Variants in INO80D observed in about 807,000 individuals in gnomAD.
The protein encoded by INO80D is INO80 complex subunit D.
Under a neutral mutation model 87.6 loss-of-function variants are expected in INO80D, and 21 were observed. That is an observed-to-expected ratio of 0.24 (90% CI 0.17 to 0.35). INO80D has a LOEUF of 0.35. Ranked by LOEUF, INO80D falls within the 10% of genes least tolerant of loss-of-function variation. The pLI is 1.00. For synonymous variants in INO80D, 440 were observed against 491.0 expected (o/e 0.90, Z 1.37); for missense variants, 982 against 1,280.7 (o/e 0.77, Z 3.56).
In INO80D at chr2:206,056,726, C is replaced by T. The variant is rs778937187; in HGVS notation, c.436G>A (p.Glu146Lys). Residue 146 changes from glutamate to lysine, a missense_variant, in exon 4 of 11, where the codon GAA becomes AAA. Physicochemically the swap from Glu to Lys is moderately conservative, Grantham distance 56. Transcript: ENST00000403263. ...TTGAAAGCAAATGGGTCTTCCAATT[C>T]GGTTTCCAGGTAGTGGAGAGGGACC... Reference protein sequence around the residue: ...ARVPLHYLETELEDPFAFNEE... With the variant: ...ARVPLHYLETKLEDPFAFNEE... 2.5e-6 allele frequency: 4 copies of T among 1,613,436 alleles called. No individual in the cohort carries two copies. Among genetic ancestry groups the T allele is most frequent in the East Asian group, 2.2e-5 (1 of 44,876 alleles).
At chr2:206,033,691 G>A (rs1688825330) in intron 5 of INO80D, among the ~76,000 whole-genome samples, 1 of 151,882 alleles carries the variant, frequency 6.6e-6, no homozygotes, top group African/African-American at 2.4e-5. Context: ...AGAGAAACAA[G>A]AAGAAACTAA....
Position 206,027,156 on chromosome 2 carries a change from GCACACACACA to G in INO80D, c.1298+945_1298+954del, listed in dbSNP as rs34673264. Among the ~76,000 whole-genome samples, 547 of 151,302 alleles carry G rather than the reference GCACACACACA, an allele frequency of 3.6e-3. 5 individuals carry two copies. Among genetic ancestry groups the G allele is most frequent in the African/African-American group, 0.013 (523 of 41,276 alleles). On this transcript the variant is annotated intron_variant, in intron 6 of 10. Coordinates refer to ENST00000403263, the MANE Select transcript of INO80D (RefSeq NM_017759.5). ...AATTTACACACGCACGCGCGCACGCGCACACACACACACACACACACAGAGAAAGACTAGA... is the reference window on the plus strand; with the variant it reads ...AATTTACACACGCACGCGCGCACGCGCACACACACACAGAGAAAGACTAGA...
At position 206,017,810 on chromosome 2, in the gene INO80D, A is replaced by C; in HGVS notation, c.1412T>G (p.Ile471Ser). The change falls in exon 8 of 11, where the codon ATC becomes AGC. Residue 471 changes from isoleucine (I) to serine (S), a missense_variant. Ile to Ser is a moderately radical substitution (Grantham distance 142). Transcript: ENST00000403263. ...GAGCTGCTGAGAGTGGTTCAAGAGG[A>C]TATCTGGGTTTTTTTAAGTTAGGAG... is the stretch of plus-strand genomic sequence containing the variant. ...LPFTRHCFQH[I>S]LLNHSQQLFS... 1 of 1,597,870 alleles carries C rather than the reference A, an allele frequency of 6.3e-7. No individual in the cohort carries two copies. Among genetic ancestry groups the C allele is most frequent in the Non-Finnish European group, 8.5e-7 (1 of 1,176,096 alleles).
At chr2:206,022,965 A>T (rs1258224013) in intron 6 of INO80D, among the ~76,000 whole-genome samples, 1 of 151,758 alleles carries the variant, frequency 6.6e-6, no homozygotes, top group East Asian at 2.0e-4. Context: ...TTGGGAGGCC[A>T]AGGCAGGCAG....
At chr2:206,021,055 C>T (rs1031683942) in intron 6 of INO80D, among the ~76,000 whole-genome samples, 14 of 152,058 alleles carry the variant, frequency 9.2e-5, no homozygotes, top group African/African-American at 3.4e-4. Context: ...CTTACAAGTA[C>T]AAAACCTATC....
At chr2:206,064,210 A>G (rs1689757714) in intron 1 of INO80D, among the ~76,000 whole-genome samples, 1 of 152,188 alleles carries the variant, frequency 6.6e-6, no homozygotes, top group Non-Finnish European at 1.5e-5. Flanking sequence ...TTTCAGAGTC[A>G]GTGAGAAAAT....
chr2:206,018,877 G>A (rs1164888832), intron 7 of INO80D, among the ~76,000 whole-genome samples: 4 of 152,108 alleles, frequency 2.6e-5, no homozygotes, highest in Non-Finnish European at 4.4e-5. Flanking sequence ...CACTTCAGCC[G>A]GGGTGACAGA....
At chr2:206,067,364 C>T (rs1485486048) in intron 1 of INO80D, among the ~76,000 whole-genome samples, 1 of 151,848 alleles carries the variant, frequency 6.6e-6, no homozygotes, top group Non-Finnish European at 1.5e-5. Flanking sequence ...AAAATTATGG[C>T]TAGATGGGAG....
intron 1 of INO80D, among the ~76,000 whole-genome samples, chr2:206,069,976 T>A (rs1021967910): frequency 6.6e-6 from 1 of 152,172 alleles, no homozygotes; most frequent in African/African-American, 2.4e-5. Context: ...GATTTTTCTA[T>A]TTGAAAACAT....
intron 5 of INO80D, among the ~76,000 whole-genome samples, chr2:206,041,639 C>A (rs913801589): frequency 6.6e-6 from 1 of 152,170 alleles, no homozygotes; most frequent in South Asian, 2.1e-4. Context: ...ATTGATATAA[C>A]AAGTTGACAA....
chr2:206,028,523 G>A (rs1169307453), intron 5 of INO80D, among the ~76,000 whole-genome samples, 188 bp from the exon 6 acceptor site: 1 of 152,202 alleles, frequency 6.6e-6, no homozygotes, highest in Non-Finnish European at 1.5e-5. Context: ...TATTTCAACA[G>A]TAAGGACAGA....
intron 6 of INO80D, among the ~76,000 whole-genome samples, 188 bp from the exon 7 acceptor site, chr2:206,020,033 T>C (rs1187613697): frequency 6.6e-6 from 1 of 152,020 alleles, no homozygotes; most frequent in Non-Finnish European, 1.5e-5. Flanking sequence ...GTTATTTCCC[T>C]AATCTTCTGA....
At chr2:206,076,585 A>C (rs979952162) in intron 1 of INO80D, among the ~76,000 whole-genome samples, 2 of 152,240 alleles carry the variant, frequency 1.3e-5, no homozygotes, top group Admixed American at 6.5e-5. Context: ...AACAACATTC[A>C]TTATAATCAA....
intron 1 of INO80D, among the ~76,000 whole-genome samples, chr2:206,084,422 A>T (rs1685516274): frequency 6.6e-6 from 1 of 152,158 alleles, no homozygotes; most frequent in African/African-American, 2.4e-5. Flanking sequence ...CTAAACAGTG[A>T]TTATCAGAAT....
At chr2:206,019,542 T>C (rs1030682954) in intron 7 of INO80D, among the ~76,000 whole-genome samples, 194 bp downstream of exon 7, 2 of 152,228 alleles carry the variant, frequency 1.3e-5, no homozygotes, top group Non-Finnish European at 2.9e-5. Context: ...TCAATTTTGC[T>C]TATTTTTTGT....
chr2:206,020,322 A>G (rs1175627078), intron 6 of INO80D, among the ~76,000 whole-genome samples: 1 of 152,216 alleles, frequency 6.6e-6, no homozygotes, highest in Non-Finnish European at 1.5e-5. Context: ...TTGGGAGCAT[A>G]AAAGGATTAA....
chr2:206,007,439 C>G lies in INO80D; in HGVS notation c.1763G>C (p.Ser588Thr). 2 of 1,607,340 alleles carry G rather than the reference C, an allele frequency of 1.2e-6. No homozygotes were observed. Among genetic ancestry groups the G allele is most frequent in the Non-Finnish European group, 1.7e-6 (2 of 1,177,308 alleles). ...SLPVEASHIR[S>T]PSTPELSADE... ...AGCACTCAGCTCTGGCGTGGATGGG[C>G]TCCTGGGAAAGAGGACACTGTTGGT... The change falls in exon 10 of 11, where the codon AGC becomes ACC. Residue 588 changes from serine to threonine, a missense_variant and splice_region_variant. Ser to Thr is a moderately conservative substitution (Grantham distance 58). Transcript: ENST00000403263.
At chr2:206,082,665 A>G (rs1352856220) in intron 1 of INO80D, among the ~76,000 whole-genome samples, 3 of 152,056 alleles carry the variant, frequency 2.0e-5, no homozygotes, top group Non-Finnish European at 4.4e-5. Context: ...GGTGTGGGGG[A>G]GGGGGAAAGA....
Position 206,004,977 on chromosome 2 carries a change from G to C in INO80D, c.2475C>G (p.Pro825=), listed in dbSNP as rs771029188. ...GCTCACTATCATAATGGCTTCCATG[G>C]GGTGAGGAGTGTGAGTGATCACTGC... ...QYSSDHSHSS[P]HGSHYDSEHV... is the part of the protein sequence containing the mutation. Residue 825 remains proline, a synonymous_variant, in exon 11 of 11, where the codon CCC becomes CCG. Coordinates refer to ENST00000403263, the MANE Select transcript of INO80D (RefSeq NM_017759.5). This position sits in a 1 kb window ranked among gnomAD's most constrained non-coding sequence, Gnocchi z 4.9. 2.6e-5 allele frequency: 42 copies of C among 1,614,028 alleles called. No individual in the cohort carries two copies. The highest frequency in any genetic ancestry group is 3.0e-5 in the Non-Finnish European group (35 of 1,179,882).
Sources: allele counts gnomAD v4.1 joint callset (sites outside exome capture counted in the v4.1 genomes callset), GRCh38; gene constraint gnomAD v4.1.1; non-coding constraint Gnocchi (gnomAD v3.1); transcripts MANE v1.5; gene names NCBI Gene and HGNC (gene_info 2026-07-23, HGNC 2026-07-21).